NRN1L: variants seen among roughly 807,000 people sequenced by gnomAD.
The protein encoded by NRN1L is neuritin-like protein.
NRN1L carries 12 observed loss-of-function variants against 8.8 expected under a neutral mutation model. The ratio of observed to expected loss-of-function variants is 1.36; its 90% CI spans 0.87 to 2.20. NRN1L has a LOEUF of 2.20. NRN1L is among the 30% of genes most tolerant of loss of function. The pLI is 0.00. For missense variants in NRN1L, 266 were observed against 232.4 expected (o/e 1.14, Z -0.94); for synonymous variants, 114 against 99.2 (o/e 1.15, Z -0.88).
At chr16:67,885,907 AC>A in intron 2 of NRN1L, 53 bp downstream of exon 2, 2 of 1,582,018 alleles carry the variant, frequency 1.3e-6, no homozygotes, top group Non-Finnish European at 1.7e-6. Flanking sequence ...TGGGGACTGA[AC>A]CTTTTATTTC....
chr16:67,885,963 T>G lies in NRN1L; in HGVS notation c.213-11T>G. ...CCTCACCTAATCCCCCTAATCCCAC[T>G]CCCTTAACAGGTCTTGGAATGACTT... On this transcript the variant is annotated splice_polypyrimidine_tract_variant and intron_variant, in intron 2 of 2. Transcript: ENST00000339176. 6.2e-7 allele frequency: 1 copy of G among 1,613,300 alleles called. No individual in the cohort carries two copies. The highest frequency in any genetic ancestry group is 8.5e-7 in the Non-Finnish European group (1 of 1,179,492).
intron 1 of NRN1L, chr16:67,885,187 C>T (rs2058090230): frequency 8.3e-6 from 5 of 602,402 alleles, no homozygotes; most frequent in South Asian, 3.9e-5. Context: ...TTTGCATCCC[C>T]TCTTATGATA....
Position 67,884,985 on chromosome 16 carries a change from G to A in NRN1L, c.79+3G>A. 1 of 1,606,716 alleles carries A rather than the reference G, an allele frequency of 6.2e-7. No homozygotes were observed. The highest frequency in any genetic ancestry group is 8.5e-7 in the Non-Finnish European group (1 of 1,179,026). Reference sequence around the variant, plus strand: ...GCCGTTGCTGTTGCTGCCCCTCGGTGAGTGCGGGCATCCGGGGCCCGGGCC... The same window carrying A: ...GCCGTTGCTGTTGCTGCCCCTCGGTAAGTGCGGGCATCCGGGGCCCGGGCC... On this transcript the variant is annotated splice_donor_region_variant and intron_variant, in intron 1 of 2. Transcript: ENST00000339176. This position sits in a 1 kb window ranked among gnomAD's most constrained non-coding sequence, Gnocchi z 4.1.
chr16:67,885,849 C>A lies in NRN1L; in HGVS notation c.207C>A (p.Ile69=). Residue 69 remains isoleucine, a synonymous_variant, in exon 2 of 3, where the codon ATC becomes ATA. Coordinates refer to ENST00000339176, the MANE Select transcript of NRN1L (RefSeq NM_198443.2). The part of the protein sequence containing the change: ...SMGRGGELET[I]CRSWNDFHAC... The stretch of plus-strand genomic sequence containing the variant: ...GCCGCGGAGGCGAGCTGGAGACCAT[C>A]TGCAGGTACCGGCGGGTGTGAGGCA... 1 of 1,575,410 alleles carries A rather than the reference C, an allele frequency of 6.3e-7. No individual in the cohort carries two copies. The highest frequency in any genetic ancestry group is 8.6e-7 in the Non-Finnish European group (1 of 1,160,958).
intron 1 of NRN1L, chr16:67,885,520 A>G (rs774435872): frequency 5.1e-5 from 29 of 567,572 alleles, no homozygotes; most frequent in Non-Finnish European, 6.6e-5. Context: ...TCCCCTGTAC[A>G]AATCCCAGTC....
chr16:67,885,058 G>A, intron 1 of NRN1L, 76 bp downstream of exon 1: 1 of 1,241,662 alleles, frequency 8.1e-7, no homozygotes, highest in Non-Finnish European at 1.2e-6. Context: ...AGGGTGTGTG[G>A]GAACGCTGGG....
downstream of NRN1L, among the ~76,000 whole-genome samples, chr16:67,887,315 C>T (rs2058099603): frequency 6.6e-6 from 1 of 151,804 alleles, no homozygotes; most frequent in African/African-American, 2.4e-5. Flanking sequence ...TCTTGTCACC[C>T]AGGCTGGAAT....
rs367713214 is a variant in NRN1L, at chr16:67,886,285, G to T, written c.*26G>T. The T allele has an allele frequency of 1.9e-6, 3 of 1,552,336 alleles. No homozygotes were observed. In the East Asian group the frequency reaches 7.0e-5, roughly 36 times the overall value. ...CTTGTTGGGTTGGGTAGCAGCGCCC[G>T]TACCTCCAGCCCTGCTCTGGCGGTG... On this transcript the variant is annotated 3_prime_UTR_variant, in exon 3 of 3. Transcript: ENST00000339176.
At chr16:67,887,584 CTT>C (rs754203845), downstream of NRN1L, among the ~76,000 whole-genome samples, 34 of 138,584 alleles carry the variant, frequency 2.5e-4, no homozygotes, top group Non-Finnish European at 2.2e-4. Flanking sequence ...TCTTTACTTT[CTT>C]TTTTTTTTTT....
chr16:67,885,675 A>T, intron 1 of NRN1L, 47 bp from the exon 2 acceptor site: 3 of 1,424,674 alleles, frequency 2.1e-6, no homozygotes, highest in Non-Finnish European at 1.9e-6. Flanking sequence ...AGCCTGGCTC[A>T]TCCTATCTAC....
In NRN1L at chr16:67,884,910, CGCT is replaced by C. The variant is rs778263602; in HGVS notation, c.13_15del (p.Cys5del). 6 of 1,604,866 alleles carry C rather than the reference CGCT, an allele frequency of 3.7e-6. No homozygotes were observed. The East Asian group carries it at 1.3e-4, about 36-fold the overall frequency. Reference sequence around the variant, plus strand: ...ACTAGGCTCTCAGCCAGGGATGATGCGCTGCTGCCGCCGCCGCTGCTGCTGCCG... The same window carrying C: ...ACTAGGCTCTCAGCCAGGGATGATGCGCTGCCGCCGCCGCTGCTGCTGCCG... On this transcript the variant is annotated inframe_deletion, in exon 1 of 3. Coordinates refer to ENST00000339176, the MANE Select transcript of NRN1L (RefSeq NM_198443.2). This position sits in a 1 kb window ranked among gnomAD's most constrained non-coding sequence, Gnocchi z 4.1.
downstream of NRN1L, chr16:67,886,495 C>T (rs2058097151): frequency 9.6e-6 from 5 of 522,628 alleles, no homozygotes; most frequent in South Asian, 1.4e-4. Context: ...CTCAATCTTC[C>T]TCCTTACAAA....
chr16:67,887,490 G>A (rs1399768899), downstream of NRN1L, among the ~76,000 whole-genome samples: 9 of 151,132 alleles, frequency 6.0e-5, no homozygotes, highest in East Asian at 2.0e-4. Flanking sequence ...GGCTGGTCTC[G>A]AACTCCTAAC....
At chr16:67,886,502 C>G (rs75399276), downstream of NRN1L, 5,820 of 510,988 alleles carry the variant, frequency 0.011, 254 homozygotes, top group African/African-American at 0.099. Context: ...TTCCTCCTTA[C>G]AAACACTCAT....
Position 67,884,978 on chromosome 16 carries a change from C to G in NRN1L, c.75C>G (p.Pro25=). The G allele has an allele frequency of 6.2e-7, 1 of 1,607,766 alleles. No homozygotes were observed. The highest frequency in any genetic ancestry group is 8.5e-7 in the Non-Finnish European group (1 of 1,179,552). ...CCCTGAGGCCGTTGCTGTTGCTGCC[C>G]CTCGGTGAGTGCGGGCATCCGGGGC... is the stretch of plus-strand genomic sequence containing the variant. ...PHALRPLLLL[P]LVLLPPLAAA... is the part of the protein sequence containing the mutation. The change falls in exon 1 of 3, where the codon CCC becomes CCG. Residue 25 remains proline, a synonymous_variant. Coordinates refer to ENST00000339176, the MANE Select transcript of NRN1L (RefSeq NM_198443.2). The surrounding 1 kb of genome is among the most constrained non-coding windows in gnomAD (Gnocchi z 4.1).
At chr16:67,887,610 T>G (rs1195172204), downstream of NRN1L, among the ~76,000 whole-genome samples, 1 of 140,998 alleles carries the variant, frequency 7.1e-6, no homozygotes, top group Admixed American at 7.4e-5. Context: ...TGAGACAGAG[T>G]CTCCCTCAGT....
Position 67,884,920 on chromosome 16 carries a change from G to GC in NRN1L, c.19dup (p.Arg7ProfsTer37), listed in dbSNP as rs1567393180. On this transcript the variant is annotated frameshift_variant, in exon 1 of 3. Coordinates refer to ENST00000339176, the MANE Select transcript of NRN1L (RefSeq NM_198443.2). LOFTEE classifies it high-confidence loss of function. The surrounding 1 kb of genome is among the most constrained non-coding windows in gnomAD (Gnocchi z 4.1). ...CAGCCAGGGATGATGCGCTGCTGCC[G>GC]CCGCCGCTGCTGCTGCCGGCAACCA... 7 of 1,605,612 alleles carry GC rather than the reference G, an allele frequency of 4.4e-6. No homozygotes were observed. Among genetic ancestry groups the GC allele is most frequent in the Admixed American group, 3.3e-5 (2 of 59,984 alleles).
intron 1 of NRN1L, 29 bp from the exon 2 acceptor site, chr16:67,885,693 T>TGCCCCC: frequency 1.5e-4 from 186 of 1,257,120 alleles, no homozygotes; most frequent in Middle Eastern, 4.3e-4. Flanking sequence ...TACCATTCCT[T>TGCCCCC]CCCCACCCCA....
chr16:67,885,345 CA>C (rs1442892234), intron 1 of NRN1L: 4 of 482,200 alleles, frequency 8.3e-6, no homozygotes, highest in African/African-American at 6.0e-5. Context: ...GAGGGCCAAG[CA>C]AAGCTTGTCT....
Sources: gnomAD v4.1 joint callset for allele counts (sites outside exome capture counted in the v4.1 genomes callset) on GRCh38, gnomAD v4.1.1 for gene constraint, Gnocchi (gnomAD v3.1) non-coding constraint, MANE v1.5 for transcripts, NCBI Gene and HGNC (gene_info 2026-07-23, HGNC 2026-07-21) for gene names.